The following TMEM207 variants were observed in gnomAD, a reference collection of about 807,000 sequenced individuals.
TMEM207 encodes transmembrane protein 207, also known as SRSR846.
Under a neutral mutation model 17.4 loss-of-function variants are expected in TMEM207, and 15 were observed. The observed-to-expected ratio is 0.86, with a 90% CI of 0.58 to 1.33. The LOEUF is 1.33. Among genes scored for constraint, TMEM207 ranks in the 40% most tolerant of loss-of-function variants. The pLI, the probability that TMEM207 is intolerant of heterozygous loss-of-function variation, is 0.00. For synonymous variants in TMEM207, 70 were observed against 65.6 expected, an observed-to-expected ratio of 1.07 and a Z score of -0.33; for missense variants, 205 against 173.8, an observed-to-expected ratio of 1.18 and a Z score of -1.01.
chr3:190,446,796 A>G (rs925473878), intron 2 of TMEM207, among the ~76,000 whole-genome samples: 1 of 152,188 alleles, frequency 6.6e-6, no homozygotes, highest in Non-Finnish European at 1.5e-5. Flanking sequence ...GAACTTCTTT[A>G]TTTTGTTAGT....
chr3:190,440,773 A>G (rs538878895), intron 3 of TMEM207, among the ~76,000 whole-genome samples: 2 of 152,324 alleles, frequency 1.3e-5, no homozygotes, highest in African/African-American at 4.8e-5. Context: ...TAGGAATTCA[A>G]AAGTAGGCAG....
At chr3:190,438,985 C>G in intron 4 of TMEM207, among the ~76,000 whole-genome samples, 1 of 151,608 alleles carries the variant, frequency 6.6e-6, no homozygotes, top group Non-Finnish European at 1.5e-5. Context: ...GTCAGGAGAT[C>G]GAGACCACGG....
At chr3:190,447,114 T>C (rs562549824) in intron 2 of TMEM207, among the ~76,000 whole-genome samples, 174 of 152,056 alleles carry the variant, frequency 1.1e-3, no homozygotes, top group African/African-American at 4.0e-3. Context: ...GCTTTGAGTG[T>C]AACAGGCAAT....
At chr3:190,441,638 A>G (rs56016355) in intron 2 of TMEM207, among the ~76,000 whole-genome samples, 156 bp from the exon 3 acceptor site, 1,586 of 152,298 alleles carry the variant, frequency 0.01, 25 homozygotes, top group African/African-American at 0.036. Context: ...CAGCACAATT[A>G]TGCAAATGTT....
At chr3:190,435,048 C>T (rs1719770745) in intron 4 of TMEM207, among the ~76,000 whole-genome samples, 1 of 152,082 alleles carries the variant, frequency 6.6e-6, no homozygotes, top group South Asian at 2.1e-4. Context: ...TCTTGACTTT[C>T]TTCTGATCTT....
At chr3:190,443,860 G>A (rs1384378840) in intron 2 of TMEM207, among the ~76,000 whole-genome samples, 2 of 152,166 alleles carry the variant, frequency 1.3e-5, no homozygotes, top group African/African-American at 2.4e-5. Context: ...AAATCATCGG[G>A]GGGAAGTGAG....
chr3:190,439,426 G>A (rs1219213233), intron 4 of TMEM207, among the ~76,000 whole-genome samples: 1 of 152,082 alleles, frequency 6.6e-6, no homozygotes, highest in Admixed American at 6.5e-5. Context: ...TCTGAAAGAC[G>A]GCTTTAGCTA....
rs1450808725 is a variant in TMEM207 at position 190,440,375 on chromosome 3, A to G, written c.173T>C (p.Leu58Pro). The change falls in exon 4 of 5, where the codon CTG becomes CCG. Residue 58 changes from leucine (L) to proline (P), a missense_variant. Coordinates refer to ENST00000354905, the MANE Select transcript of TMEM207 (RefSeq NM_207316.3). ...ACAGAGAAGAGCTGCCACCAAAACC[A>G]GCAGCAGGAGGATCCTGACTCCAAA... The part of the protein sequence containing the change: ...NGWYIWILLL[L>P]VLVAALLCGA... 2.5e-6 allele frequency: 4 copies of G among 1,611,362 alleles called. No individual in the cohort carries two copies. The highest frequency in any genetic ancestry group is 3.4e-6 in the Non-Finnish European group (4 of 1,179,318).
chr3:190,440,995 G>A (rs1226955222), intron 3 of TMEM207, among the ~76,000 whole-genome samples: 1 of 152,184 alleles, frequency 6.6e-6, no homozygotes, highest in Non-Finnish European at 1.5e-5. Context: ...CGGGAACCCG[G>A]GAGGCGGAGC....
chr3:190,448,925 T>G (rs986262184), intron 1 of TMEM207, among the ~76,000 whole-genome samples: 3 of 152,206 alleles, frequency 2.0e-5, no homozygotes, highest in Non-Finnish European at 4.4e-5. Context: ...GCATTCTTTT[T>G]TGCTAGAATG....
intron 4 of TMEM207, among the ~76,000 whole-genome samples, chr3:190,432,529 T>A (rs554465692): frequency 1.1e-4 from 16 of 152,342 alleles, no homozygotes; most frequent in African/African-American, 3.8e-4. Context: ...TGTCTTTCCA[T>A]GAAAATCTGT....
chr3:190,440,406 C>T lies in TMEM207; in HGVS notation c.159-17G>A, dbSNP rs779911526. On this transcript the variant is annotated splice_polypyrimidine_tract_variant and intron_variant, in intron 3 of 4. Coordinates refer to ENST00000354905, the MANE Select transcript of TMEM207 (RefSeq NM_207316.3). ...AGGAGGATCCTGACTCCAAAAGTAA[C>T]CGAGAAAAGAATGAGGTAGAGTATG... 7 of 1,602,600 alleles carry T rather than the reference C, an allele frequency of 4.4e-6. No individual in the cohort carries two copies. Among genetic ancestry groups the T allele is most frequent in the South Asian group, 1.1e-5 (1 of 89,686 alleles).
chr3:190,444,396 G>A, intron 2 of TMEM207: 1 of 984,638 alleles, frequency 1.0e-6, no homozygotes, highest in Non-Finnish European at 1.2e-6. Context: ...ATGTCGTGGT[G>A]CGACTGGGAC....
intron 1 of TMEM207, among the ~76,000 whole-genome samples, chr3:190,448,772 TCC>T (rs1334119276): frequency 1.3e-5 from 2 of 152,098 alleles, no homozygotes; most frequent in Non-Finnish European, 2.9e-5. Flanking sequence ...CCCCCCTTAA[TCC>T]CAAAAGCATC....
At position 190,428,968 on chromosome 3, in the gene TMEM207, A is replaced by G. The variant is rs1160960531; in HGVS notation, c.*627T>C. 6.6e-6 allele frequency: 1 copy of G among 152,296 alleles called. No individual in the cohort carries two copies. The highest frequency in any genetic ancestry group is 1.9e-4 in the East Asian group (1 of 5,194). The allele number at this position is 152,296 out of a possible 1,614,324, so 9.4% of individuals were successfully genotyped here. On this transcript the variant is annotated 3_prime_UTR_variant, in exon 5 of 5. Coordinates refer to ENST00000354905, the MANE Select transcript of TMEM207 (RefSeq NM_207316.3). ...CCCGTGTTGGCATTATATGTGCTCT[A>G]TATCTTCAGCAATCTCCTTCACCTT...
chr3:190,447,813 G>A lies in TMEM207; in HGVS notation c.90C>T (p.Asp30=). 1 of 1,612,356 alleles carries A rather than the reference G, an allele frequency of 6.2e-7. No individual in the cohort carries two copies. Among genetic ancestry groups the A allele is most frequent in the Non-Finnish European group, 8.5e-7 (1 of 1,179,290 alleles). ...ACATTTCATCTTCTTCGCATGGTAG[G>A]TCCGAGAGCACCAACTGAAACACAT... ...CLPLFQLVLS[D]LPCEEDEMCV... The change falls in exon 2 of 5, where the codon GAC becomes GAT. Residue 30 remains aspartate, a synonymous_variant. Coordinates refer to ENST00000354905, the MANE Select transcript of TMEM207 (RefSeq NM_207316.3).
At chr3:190,445,968 G>A (rs1001279288) in intron 2 of TMEM207, among the ~76,000 whole-genome samples, 3 of 152,106 alleles carry the variant, frequency 2.0e-5, no homozygotes, top group African/African-American at 7.2e-5. Flanking sequence ...CTACCTAGGC[G>A]ATCCATGTTT....
chr3:190,430,402 T>C (rs79497495), intron 4 of TMEM207, among the ~76,000 whole-genome samples: 3,409 of 152,026 alleles, frequency 0.022, 55 homozygotes, highest in Middle Eastern at 0.086. Flanking sequence ...ATGGCTCTTT[T>C]GGAAATTGTC....
At chr3:190,445,686 C>T (rs941140678) in intron 2 of TMEM207, among the ~76,000 whole-genome samples, 19 of 152,014 alleles carry the variant, frequency 1.2e-4, no homozygotes, top group Non-Finnish European at 2.5e-4. Context: ...CCACCATGCC[C>T]GGCTAATTTT....
Sources: gnomAD v4.1 joint callset for allele counts (sites outside exome capture counted in the v4.1 genomes callset) on GRCh38, gnomAD v4.1.1 for gene constraint, MANE v1.5 for transcripts, NCBI Gene and HGNC (gene_info 2026-07-23, HGNC 2026-07-21) for gene names.